Variants in LRMDA observed in about 807,000 individuals in gnomAD.
LRMDA encodes the protein leucine rich melanocyte differentiation associated.
In LRMDA, 18 loss-of-function variants were observed where a neutral mutation model predicts 29.8. The observed-to-expected ratio is 0.60, with a 90% CI of 0.42 to 0.90. The LOEUF is 0.90. Among genes scored for constraint, LRMDA ranks in the 40% least tolerant of loss-of-function variants. LRMDA has a pLI of 0.00. For missense variants in LRMDA, 273 were observed against 273.9 expected, an observed-to-expected ratio of 1.00 and a Z score of 0.02; for synonymous variants, 125 against 109.4, an observed-to-expected ratio of 1.14 and a Z score of -0.89.
chr10:75,540,780 G>A (rs1840006336), intron 2 of LRMDA, among the ~76,000 whole-genome samples: 1 of 152,100 alleles, frequency 6.6e-6, no homozygotes, highest in African/African-American at 2.4e-5. Flanking sequence ...TCATGTTTGG[G>A]CCCCTAGTGT....
At chr10:75,925,555 G>A (rs923002181) in intron 2 of LRMDA, among the ~76,000 whole-genome samples, 1 of 152,146 alleles carries the variant, frequency 6.6e-6, no homozygotes, top group Admixed American at 6.5e-5. Flanking sequence ...GTAGTTTGGA[G>A]GGGGGGAGCT....
At chr10:75,477,336 C>T (rs967085691) in intron 2 of LRMDA, among the ~76,000 whole-genome samples, 3 of 152,084 alleles carry the variant, frequency 2.0e-5, no homozygotes, top group African/African-American at 7.2e-5. Context: ...CTTTAAAGAC[C>T]CTGTCTCCCA....
chr10:75,888,579 A>G (rs756683846), intron 2 of LRMDA, among the ~76,000 whole-genome samples: 5 of 152,240 alleles, frequency 3.3e-5, no homozygotes, highest in East Asian at 1.9e-4. Context: ...TGTAAGAAGA[A>G]GGAGATTAGC....
At chr10:75,724,815 C>T (rs1842611736) in intron 2 of LRMDA, among the ~76,000 whole-genome samples, 1 of 152,192 alleles carries the variant, frequency 6.6e-6, no homozygotes, top group Non-Finnish European at 1.5e-5. Flanking sequence ...AGTGGACCCA[C>T]AAGATGGACA....
intron 5 of LRMDA, among the ~76,000 whole-genome samples, chr10:76,113,568 C>G (rs1284502928): frequency 6.6e-6 from 1 of 152,086 alleles, no homozygotes; most frequent in Non-Finnish European, 1.5e-5. Flanking sequence ...ATTGCTTTTT[C>G]TTGACCAATG....
intron 2 of LRMDA, among the ~76,000 whole-genome samples, chr10:75,855,962 C>T (rs1469270713): frequency 3.9e-5 from 6 of 152,172 alleles, no homozygotes; most frequent in Non-Finnish European, 8.8e-5. Context: ...GTTTTGGTTA[C>T]TGTAGCCTTG....
At chr10:76,466,534 A>G (rs1343092553) in intron 6 of LRMDA, among the ~76,000 whole-genome samples, 2 of 152,170 alleles carry the variant, frequency 1.3e-5, no homozygotes. Context: ...GGTGGCTCAC[A>G]CCTGTAATCC....
chr10:76,256,970 TAAAG>T (rs1028867863), intron 5 of LRMDA, among the ~76,000 whole-genome samples: 62 of 152,270 alleles, frequency 4.1e-4, no homozygotes, highest in African/African-American at 1.4e-3. Context: ...GATTGAGAGA[TAAAG>T]AAACAGGTCT....
At chr10:75,475,981 T>C (rs1844787699) in intron 2 of LRMDA, among the ~76,000 whole-genome samples, 1 of 152,228 alleles carries the variant, frequency 6.6e-6, no homozygotes, top group Non-Finnish European at 1.5e-5. Context: ...CCTCCCTTCT[T>C]TCCCACATGG....
intron 2 of LRMDA, among the ~76,000 whole-genome samples, chr10:75,933,221 C>CTACT (rs1428659582): frequency 3.3e-5 from 5 of 152,122 alleles, no homozygotes; most frequent in African/African-American, 1.2e-4. Context: ...AAAGGATAGG[C>CTACT]TACTGGGACA....
chr10:75,821,771 A>C (rs112696805), intron 2 of LRMDA, among the ~76,000 whole-genome samples: 9,022 of 149,358 alleles, frequency 0.06, 571 homozygotes, highest in East Asian at 0.3. Context: ...TCCATCTCAA[A>C]AAACAAACAA....
intron 6 of LRMDA, among the ~76,000 whole-genome samples, chr10:76,447,379 G>A (rs1842364122): frequency 6.6e-6 from 1 of 152,076 alleles, no homozygotes; most frequent in Non-Finnish European, 1.5e-5. Context: ...TCCTCTGATT[G>A]TTGAGTTCTG....
chr10:76,299,159 G>A (rs1284164869), intron 5 of LRMDA, among the ~76,000 whole-genome samples: 1 of 71,252 alleles, frequency 1.4e-5, no homozygotes, highest in Admixed American at 1.6e-4. Flanking sequence ...GAAGAGCCGT[G>A]TGTGTGTGTG....
At chr10:76,048,443 T>C (rs1193775138) in intron 4 of LRMDA, among the ~76,000 whole-genome samples, 1 of 152,178 alleles carries the variant, frequency 6.6e-6, no homozygotes, top group Non-Finnish European at 1.5e-5. Flanking sequence ...TTTTGGTGTA[T>C]CATCAGCTCT....
intron 2 of LRMDA, among the ~76,000 whole-genome samples, chr10:75,631,355 T>G (rs1348658395): frequency 6.6e-6 from 1 of 152,014 alleles, no homozygotes; most frequent in Non-Finnish European, 1.5e-5. Context: ...CTTTTGCAGT[T>G]TCTGCTCATG....
intron 6 of LRMDA, among the ~76,000 whole-genome samples, chr10:76,376,535 G>A (rs969381845): frequency 6.6e-6 from 1 of 152,142 alleles, no homozygotes; most frequent in Non-Finnish European, 1.5e-5. Context: ...AAACATACAA[G>A]TGCAGGCAAC....
chr10:75,802,243 G>T (rs776000571), intron 2 of LRMDA, among the ~76,000 whole-genome samples: 4 of 152,002 alleles, frequency 2.6e-5, no homozygotes, highest in Non-Finnish European at 5.9e-5. Flanking sequence ...ACTTGAACCT[G>T]GGAGGTTTAA....
chr10:75,508,227 C>G (rs1589164139), intron 2 of LRMDA, among the ~76,000 whole-genome samples: 1 of 151,302 alleles, frequency 6.6e-6, no homozygotes, highest in African/African-American at 2.4e-5. Context: ...GATACAAGCC[C>G]TTGGTTGCAA....
At chr10:75,457,186 C>T (rs563895320) in intron 2 of LRMDA, among the ~76,000 whole-genome samples, 4 of 152,300 alleles carry the variant, frequency 2.6e-5, no homozygotes, top group African/African-American at 9.6e-5. Flanking sequence ...GTGGGGGGAC[C>T]AAGATCTAAA....
Sources: gnomAD v4.1 joint callset for allele counts (sites outside exome capture counted in the v4.1 genomes callset) on GRCh38, gnomAD v4.1.1 for gene constraint, MANE v1.5 for transcripts, NCBI Gene and HGNC (gene_info 2026-07-23, HGNC 2026-07-21) for gene names.